The following TET1 variants were observed in gnomAD, a reference collection of about 807,000 sequenced individuals.
TET1 encodes methylcytosine dioxygenase TET1.
In TET1, 13 loss-of-function variants were observed where a neutral mutation model predicts 148.7. The observed-to-expected ratio is 0.09, with a 90% CI of 0.06 to 0.14. The LOEUF is 0.14. Among genes scored for constraint, TET1 ranks in the 10% least tolerant of loss-of-function variants. The pLI, the probability that TET1 is intolerant of heterozygous loss-of-function variation, is 1.00. For missense variants in TET1, 2,182 were observed against 2,553.8 expected (o/e 0.85, Z 3.14); for synonymous variants, 907 against 937.2 (o/e 0.97, Z 0.59).
At chr10:68,676,499 C>T (rs1324944491) in intron 8 of TET1, among the ~76,000 whole-genome samples, 1 of 151,484 alleles carries the variant, frequency 6.6e-6, no homozygotes, top group African/African-American at 2.4e-5. Flanking sequence ...TGATCTCAAT[C>T]TCTTGACCTT....
intron 2 of TET1, among the ~76,000 whole-genome samples, chr10:68,583,231 G>A (rs1310868422): frequency 6.6e-6 from 1 of 152,094 alleles, no homozygotes. Flanking sequence ...TTATTCCAGG[G>A]TGGTATTTCA....
At chr10:68,625,800 G>T (rs1488972348) in intron 3 of TET1, among the ~76,000 whole-genome samples, 4 of 151,922 alleles carry the variant, frequency 2.6e-5, no homozygotes, top group Non-Finnish European at 4.4e-5. Flanking sequence ...GAAATACTTA[G>T]AGTGAGCCAA....
intron 3 of TET1, among the ~76,000 whole-genome samples, chr10:68,619,597 A>G (rs924426886): frequency 5.9e-5 from 9 of 152,146 alleles, no homozygotes; most frequent in Non-Finnish European, 1.3e-4. Context: ...GCATATATTC[A>G]TGGGGTACAA....
intron 2 of TET1, among the ~76,000 whole-genome samples, chr10:68,575,725 A>G (rs2053721765): frequency 2.0e-5 from 3 of 150,326 alleles, no homozygotes; most frequent in Non-Finnish European, 4.4e-5. Context: ...AAATAAATAA[A>G]TAAATAAATA....
At chr10:68,580,176 C>A (rs979230824) in intron 2 of TET1, among the ~76,000 whole-genome samples, 9 of 151,998 alleles carry the variant, frequency 5.9e-5, no homozygotes, top group Non-Finnish European at 8.8e-5. Context: ...GATCCACCCC[C>A]CTTGGCCTCC....
At chr10:68,563,259 T>TGTGC (rs1226062644) in intron 1 of TET1, among the ~76,000 whole-genome samples, 2 of 152,226 alleles carry the variant, frequency 1.3e-5, no homozygotes, top group East Asian at 3.8e-4. Context: ...AGCTTTTACA[T>TGTGC]GTGCCGAGGG....
chr10:68,671,718 C>T (rs929617151), intron 7 of TET1, among the ~76,000 whole-genome samples: 4 of 152,204 alleles, frequency 2.6e-5, no homozygotes, highest in African/African-American at 9.6e-5. Context: ...CGGTTTTCTG[C>T]TCCATTTTTT....
At chr10:68,562,270 T>C (rs2053563095) in intron 1 of TET1, among the ~76,000 whole-genome samples, 1 of 152,096 alleles carries the variant, frequency 6.6e-6, no homozygotes, top group Non-Finnish European at 1.5e-5. Context: ...ACGAAAAATA[T>C]GGAAAAGGCG....
Position 68,667,221 on chromosome 10 carries a change from G to T in TET1, c.4638G>T (p.Gly1546=), listed in dbSNP as rs764514981. Reference sequence around the variant, plus strand: ...CAGAGAATCTAAAGTCATACAATGGGCACCCTACCGACAGAAGATGCACCC... The same window carrying T: ...CAGAGAATCTAAAGTCATACAATGGTCACCCTACCGACAGAAGATGCACCC... ...ELTENLKSYN[G]HPTDRRCTLN... Residue 1546 remains glycine (G), a synonymous_variant, in exon 7 of 12, where the codon GGG becomes GGT. Transcript: ENST00000373644. 6.2e-6 allele frequency: 10 copies of T among 1,613,808 alleles called. No individual in the cohort carries two copies. Among genetic ancestry groups the T allele is most frequent in the Non-Finnish European group, 8.5e-6 (10 of 1,179,912 alleles).
At chr10:68,668,871 G>T (rs1011918153) in intron 7 of TET1, among the ~76,000 whole-genome samples, 1 of 152,118 alleles carries the variant, frequency 6.6e-6, no homozygotes, top group East Asian at 1.9e-4. Flanking sequence ...GTAGTCCTTA[G>T]GTAATTAGGA....
intron 11 of TET1, among the ~76,000 whole-genome samples, 181 bp downstream of exon 11, chr10:68,686,888 A>C (rs2055519228): frequency 6.6e-6 from 1 of 151,052 alleles, no homozygotes; most frequent in African/African-American, 2.4e-5. Flanking sequence ...TTTTCGACTT[A>C]TCCTTTTTTT....
chr10:68,597,920 A>G (rs914124571), intron 2 of TET1, among the ~76,000 whole-genome samples: 7 of 152,234 alleles, frequency 4.6e-5, no homozygotes, highest in African/African-American at 2.4e-5. Context: ...AGTCCATTTC[A>G]TAGACAGAAA....
intron 1 of TET1, among the ~76,000 whole-genome samples, chr10:68,569,120 T>TTGGAA (rs918361492): frequency 6.6e-5 from 10 of 151,788 alleles, no homozygotes; most frequent in Admixed American, 2.0e-4. Flanking sequence ...GGATTGTTAA[T>TTGGAA]TGGAATGTGG....
chr10:68,598,699 T>C (rs1467237443), intron 2 of TET1, among the ~76,000 whole-genome samples: 1 of 143,922 alleles, frequency 6.9e-6, no homozygotes, highest in African/African-American at 2.6e-5. Context: ...TCTTTTTCTT[T>C]CTTTTTTTTT....
Position 68,687,342 on chromosome 10 carries a change from C to T in TET1, c.5404+635C>T, listed in dbSNP as rs1205671658. Among the ~76,000 whole-genome samples the T allele has an allele frequency of 3.3e-5, 5 of 151,542 alleles. No homozygotes were observed. In the East Asian group the frequency reaches 9.8e-4, roughly 30 times the overall value. The stretch of plus-strand genomic sequence containing the variant: ...GCCTCCTCCAGAGTAGCTGGAACTA[C>T]AGGCACACAGCACTGTGCCCAGCTA... On this transcript the variant is annotated intron_variant, in intron 11 of 11. Transcript: ENST00000373644.
rs779032698 is a variant in TET1 at position 68,691,244 on chromosome 10, C to G, written c.5841C>G (p.Thr1947=). The change falls in exon 12 of 12, where the codon ACC becomes ACG. Residue 1947 remains threonine, a synonymous_variant. Coordinates refer to ENST00000373644, the MANE Select transcript of TET1 (RefSeq NM_030625.3). The surrounding 1 kb of genome is among the most constrained non-coding windows in gnomAD (Gnocchi z 4.4). The part of the protein sequence containing the change: ...HQPNHQPSFL[T]SPQDLASSPM... ...CAAACCACCAGCCCTCCTTCCTCAC[C>G]TCTCCTCAAGACCTTGCCTCTTCTC... is the stretch of plus-strand genomic sequence containing the variant. The G allele has an allele frequency of 6.2e-7, 1 of 1,614,054 alleles. No individual in the cohort carries two copies. The highest frequency in any genetic ancestry group is 2.2e-5 in the East Asian group (1 of 44,888).
At chr10:68,678,618 C>T (rs764771248) in intron 8 of TET1, among the ~76,000 whole-genome samples, 8 of 151,826 alleles carry the variant, frequency 5.3e-5, no homozygotes, top group African/African-American at 1.7e-4. Context: ...GGCATGGTGG[C>T]GGGCACCTGT....
At chr10:68,578,146 G>A (rs952204755) in intron 2 of TET1, among the ~76,000 whole-genome samples, 1 of 152,106 alleles carries the variant, frequency 6.6e-6, no homozygotes, top group African/African-American at 2.4e-5. Context: ...AGAGGCCAAT[G>A]TATGCTGGGC....
At chr10:68,633,934 T>C (rs2054613932) in intron 3 of TET1, among the ~76,000 whole-genome samples, 1 of 152,214 alleles carries the variant, frequency 6.6e-6, no homozygotes, top group African/African-American at 2.4e-5. Context: ...ATTATTTTTG[T>C]GAGAAACAGT....
Sources: gnomAD v4.1 joint callset for allele counts (sites outside exome capture counted in the v4.1 genomes callset) on GRCh38, gnomAD v4.1.1 for gene constraint, Gnocchi (gnomAD v3.1) non-coding constraint, MANE v1.5 for transcripts, NCBI Gene and HGNC (gene_info 2026-07-23, HGNC 2026-07-21) for gene names.